ITFG1: variants seen among roughly 807,000 people sequenced by gnomAD.
ITFG1 encodes T-cell immunomodulatory protein.
ITFG1 carries 34 observed loss-of-function variants against 81.8 expected under a neutral mutation model. The ratio of observed to expected loss-of-function variants is 0.42; its 90% CI spans 0.32 to 0.55. The LOEUF (loss-of-function observed/expected upper bound fraction) is 0.55. Ranked by LOEUF, ITFG1 falls within the 20% of genes least tolerant of loss-of-function variation. The pLI is 0.17. For missense variants in ITFG1, 672 were observed against 755.4 expected, an observed-to-expected ratio of 0.89 and a Z score of 1.29; for synonymous variants, 285 against 270.6, an observed-to-expected ratio of 1.05 and a Z score of -0.52.
chr16:47,179,959 A>G (rs1054970383), intron 14 of ITFG1, among the ~76,000 whole-genome samples: 2 of 152,198 alleles, frequency 1.3e-5, no homozygotes, highest in Admixed American at 6.5e-5. Context: ...CCTTTGGCAT[A>G]TTTTGAATTA....
At chr16:47,363,360 T>G (rs927262596) in intron 8 of ITFG1, among the ~76,000 whole-genome samples, 3 of 152,202 alleles carry the variant, frequency 2.0e-5, no homozygotes, top group African/African-American at 7.2e-5. Flanking sequence ...CAACCTCTTC[T>G]TTCATTCTTT....
intron 6 of ITFG1, among the ~76,000 whole-genome samples, chr16:47,401,790 A>G (rs924411484): frequency 6.6e-6 from 1 of 151,968 alleles, no homozygotes; most frequent in African/African-American, 2.4e-5. Flanking sequence ...GTCATGACTT[A>G]AAGCACAATT....
intron 6 of ITFG1, among the ~76,000 whole-genome samples, chr16:47,377,354 T>C (rs945926652): frequency 6.6e-6 from 1 of 152,160 alleles, no homozygotes; most frequent in African/African-American, 2.4e-5. Flanking sequence ...CTGTTACTCA[T>C]GCACTCCCAA....
chr16:47,272,785 CA>C (rs1555507346), intron 10 of ITFG1, among the ~76,000 whole-genome samples: 1 of 151,754 alleles, frequency 6.6e-6, no homozygotes, highest in Non-Finnish European at 1.5e-5. Flanking sequence ...GTGGTTAATA[CA>C]AAAGTTAACT....
At chr16:47,253,510 T>C (rs1029503414) in intron 12 of ITFG1, among the ~76,000 whole-genome samples, 1 of 152,168 alleles carries the variant, frequency 6.6e-6, no homozygotes, top group African/African-American at 2.4e-5. Flanking sequence ...TCTGTTATTA[T>C]GATTATAAGT....
chr16:47,410,149 T>C (rs975039226), intron 6 of ITFG1, among the ~76,000 whole-genome samples: 2 of 151,982 alleles, frequency 1.3e-5, no homozygotes, highest in African/African-American at 4.8e-5. Flanking sequence ...CATGGTGGCA[T>C]GCACCTGTAG....
chr16:47,205,377 T>C (rs776126838), intron 14 of ITFG1, among the ~76,000 whole-genome samples: 4 of 152,182 alleles, frequency 2.6e-5, no homozygotes, highest in Admixed American at 6.5e-5. Context: ...AATCACCCGA[T>C]TGAGAACCAC....
Position 47,181,260 on chromosome 16 carries a change from C to T in ITFG1, c.1454-18596G>A, listed in dbSNP as rs1333203077. Among the ~76,000 whole-genome samples, 83 of 148,118 alleles carry T rather than the reference C, an allele frequency of 5.6e-4. 1 individual carries two copies. Among genetic ancestry groups the T allele is most frequent in the Non-Finnish European group, 6.9e-4 (46 of 66,924 alleles). On this transcript the variant is annotated intron_variant, in intron 14 of 17. Transcript: ENST00000320640. ...CTGAGAAGTGAGGAGCCCCTCCGCC[C>T]GGCAGCCACCCCGTCTGGGAAGTGA...
chr16:47,215,450 T>C (rs1316287765), intron 14 of ITFG1, among the ~76,000 whole-genome samples: 1 of 152,234 alleles, frequency 6.6e-6, no homozygotes, highest in Non-Finnish European at 1.5e-5. Context: ...TAAAAAGCAA[T>C]ATATATTTAG....
chr16:47,347,394 T>A (rs1407117161), intron 8 of ITFG1, among the ~76,000 whole-genome samples: 1 of 152,250 alleles, frequency 6.6e-6, no homozygotes, highest in African/African-American at 2.4e-5. Flanking sequence ...ACCAGGAGAT[T>A]ATATCCTGTG....
At position 47,186,165 on chromosome 16, in the gene ITFG1, G is replaced by A. The variant is rs959018914; in HGVS notation, c.1454-23501C>T. 2.6e-4 allele frequency among the ~76,000 whole-genome samples: 40 copies of A among 152,156 alleles called. 2 individuals are homozygous for A. The East Asian group carries it at 4.8e-3, about 18-fold the overall frequency. ...TCCAGGACCAGATGGATTCACAGCCGAATTCTACCAGAGGTACAAGGAGGA... is the reference window on the plus strand; with the variant it reads ...TCCAGGACCAGATGGATTCACAGCCAAATTCTACCAGAGGTACAAGGAGGA... On this transcript the variant is annotated intron_variant, in intron 14 of 17. Coordinates refer to ENST00000320640, the MANE Select transcript of ITFG1 (RefSeq NM_030790.5).
At chr16:47,390,797 T>C (rs906699450) in intron 6 of ITFG1, among the ~76,000 whole-genome samples, 6 of 152,116 alleles carry the variant, frequency 3.9e-5, no homozygotes, top group African/African-American at 1.4e-4. Context: ...GCCTGAACTG[T>C]ATAAGGTATT....
At chr16:47,172,950 T>C (rs571583452) in intron 14 of ITFG1, among the ~76,000 whole-genome samples, 33 of 152,328 alleles carry the variant, frequency 2.2e-4, no homozygotes, top group Non-Finnish European at 4.3e-4. Flanking sequence ...CATTTTCTAC[T>C]CTGTAACCTC....
intron 6 of ITFG1, among the ~76,000 whole-genome samples, chr16:47,390,187 T>C (rs1455522356): frequency 6.6e-6 from 1 of 152,176 alleles, no homozygotes; most frequent in African/African-American, 2.4e-5. Flanking sequence ...TATACACACT[T>C]AGATAAAGGT....
At chr16:47,231,507 A>C (rs1483402211) in intron 13 of ITFG1, among the ~76,000 whole-genome samples, 4 of 152,236 alleles carry the variant, frequency 2.6e-5, no homozygotes, top group African/African-American at 4.8e-5. Context: ...ATATTTCATA[A>C]ATTTGTGATG....
chr16:47,349,652 G>T (rs879325655), intron 8 of ITFG1, among the ~76,000 whole-genome samples: 7 of 152,110 alleles, frequency 4.6e-5, no homozygotes, highest in Admixed American at 4.6e-4. Context: ...ACAGATCAAT[G>T]AGAGAGAAAG....
intron 14 of ITFG1, among the ~76,000 whole-genome samples, chr16:47,189,485 G>A (rs1032795015): frequency 1.3e-5 from 2 of 152,166 alleles, no homozygotes; most frequent in African/African-American, 2.4e-5. Flanking sequence ...GTGTCTGGCT[G>A]TATTCGCTTA....
intron 12 of ITFG1, among the ~76,000 whole-genome samples, chr16:47,256,173 T>A (rs536247046): frequency 6.6e-6 from 1 of 152,218 alleles, no homozygotes; most frequent in East Asian, 1.9e-4. Flanking sequence ...CCATGTTGGC[T>A]GGTCTGGTCT....
At chr16:47,363,407 T>C (rs1050869195) in intron 8 of ITFG1, among the ~76,000 whole-genome samples, 1 of 152,126 alleles carries the variant, frequency 6.6e-6, no homozygotes, top group Non-Finnish European at 1.5e-5. Context: ...CTCACTTGTG[T>C]TGCCTAGGCT....
Sources: allele counts gnomAD v4.1 joint callset (sites outside exome capture counted in the v4.1 genomes callset), GRCh38; gene constraint gnomAD v4.1.1; transcripts MANE v1.5; gene names NCBI Gene and HGNC (gene_info 2026-07-23, HGNC 2026-07-21).